Variants in LRRIQ3 observed in about 807,000 individuals in gnomAD.
LRRIQ3 encodes leucine rich repeats and IQ motif containing 3.
In LRRIQ3, 75 loss-of-function variants were observed where a neutral mutation model predicts 59.3. The ratio of observed to expected loss-of-function variants is 1.26; its 90% CI spans 1.05 to 1.53. The LOEUF is 1.53. LRRIQ3 is among the 40% of genes most tolerant of loss of function. The pLI, the probability that LRRIQ3 is intolerant of heterozygous loss-of-function variation, is 0.00. For missense variants in LRRIQ3, 831 were observed against 710.0 expected (o/e 1.17, Z -1.94); for synonymous variants, 250 against 231.3 (o/e 1.08, Z -0.73).
intron 5 of LRRIQ3, among the ~76,000 whole-genome samples, chr1:74,077,739 CA>C (rs1441187270): frequency 6.6e-6 from 1 of 151,626 alleles, no homozygotes; most frequent in East Asian, 1.9e-4. Context: ...GAAAGATGAA[CA>C]AAAAGTTTAA....
chr1:74,140,410 A>G (rs575981566), intron 4 of LRRIQ3, among the ~76,000 whole-genome samples: 1 of 151,912 alleles, frequency 6.6e-6, no homozygotes, highest in South Asian at 2.1e-4. Context: ...ATAGTTCAAA[A>G]TATGCAAAAC....
chr1:74,168,168 C>A (rs758310591), intron 3 of LRRIQ3, among the ~76,000 whole-genome samples: 4 of 151,900 alleles, frequency 2.6e-5, no homozygotes, highest in African/African-American at 7.2e-5. Flanking sequence ...AATTTCCTGT[C>A]TAGTTGATAG....
At chr1:74,176,241 T>C (rs1327897184) in intron 3 of LRRIQ3, among the ~76,000 whole-genome samples, 1 of 152,186 alleles carries the variant, frequency 6.6e-6, no homozygotes, top group East Asian at 1.9e-4. Flanking sequence ...CATAGAATTA[T>C]GATTTGATAG....
chr1:74,152,401 A>T (rs1648050176), intron 4 of LRRIQ3, among the ~76,000 whole-genome samples: 1 of 152,156 alleles, frequency 6.6e-6, no homozygotes, highest in Non-Finnish European at 1.5e-5. Flanking sequence ...ATATATCTCC[A>T]GTCTAATCAT....
intron 4 of LRRIQ3, among the ~76,000 whole-genome samples, chr1:74,133,494 A>G (rs1647062574): frequency 6.6e-6 from 1 of 152,128 alleles, no homozygotes. Context: ...TGGATTAAGA[A>G]AATGTGGCAC....
intron 5 of LRRIQ3, chr1:74,095,222 A>G (rs59971322): frequency 1.3e-5 from 2 of 152,174 alleles, no homozygotes; most frequent in African/African-American, 2.4e-5. Context: ...CTGGAGCAAC[A>G]GGATGGAAGG....
intron 5 of LRRIQ3, among the ~76,000 whole-genome samples, chr1:74,106,932 G>A (rs1349714648): frequency 6.6e-6 from 1 of 151,944 alleles, no homozygotes; most frequent in Non-Finnish European, 1.5e-5. Context: ...TCCCTAGTAA[G>A]TGTCTAGGAA....
rs186462516 is a variant in LRRIQ3 at position 74,168,882 on chromosome 1, T to C, written c.574-13016A>G. On this transcript the variant is annotated intron_variant, in intron 3 of 7. Coordinates refer to ENST00000354431, the MANE Select transcript of LRRIQ3 (RefSeq NM_001105659.2). Reference sequence around the variant, plus strand: ...TATCCATCACCTCTAAAAGTTCTTTTGGTTGTCTTGTGTCATTTTTATTTT... The same window carrying C: ...TATCCATCACCTCTAAAAGTTCTTTCGGTTGTCTTGTGTCATTTTTATTTT... Among the ~76,000 whole-genome samples, 9 of 152,274 alleles carry C rather than the reference T, an allele frequency of 5.9e-5. No individual in the cohort carries two copies. In the East Asian group the frequency reaches 1.7e-3, roughly 29 times the overall value.
At chr1:74,144,619 A>T (rs1647446292) in intron 4 of LRRIQ3, 1 of 225,104 alleles carries the variant, frequency 4.4e-6, no homozygotes, top group Non-Finnish European at 9.5e-6. Context: ...CTTCTGTAGC[A>T]GTCAGGGTTA....
intron 3 of LRRIQ3, among the ~76,000 whole-genome samples, chr1:74,157,131 C>A (rs1317970040): frequency 6.6e-6 from 1 of 152,086 alleles, no homozygotes; most frequent in Non-Finnish European, 1.5e-5. Flanking sequence ...CTATTCCCAA[C>A]ATTAGCTACT....
intron 6 of LRRIQ3, among the ~76,000 whole-genome samples, chr1:74,064,123 T>C (rs1654805421): frequency 6.6e-6 from 1 of 151,858 alleles, no homozygotes; most frequent in Non-Finnish European, 1.5e-5. Context: ...ATATAATGTA[T>C]AATGTCTATA....
In LRRIQ3 at chr1:74,141,574, C is replaced by A. The variant is rs1399438929; in HGVS notation, c.707+14159G>T. On this transcript the variant is annotated intron_variant, in intron 4 of 7. Transcript: ENST00000354431. ...ACACCAATGTAGACATTAGCTTATT[C>A]AATAATTATTTATTAAGATCTGGTA... 2.0e-5 allele frequency among the ~76,000 whole-genome samples: 3 copies of A among 151,824 alleles called. No individual in the cohort carries two copies. The East Asian group carries it at 5.8e-4, about 29-fold the overall frequency.
In LRRIQ3 at chr1:74,183,629, T is replaced by G; in HGVS notation, c.56A>C (p.Tyr19Ser). The G allele has an allele frequency of 3.1e-6, 5 of 1,611,596 alleles. No individual in the cohort carries two copies. Among genetic ancestry groups the G allele is most frequent in the East Asian group, 2.2e-5 (1 of 44,674 alleles). Reference sequence around the variant, plus strand: ...TTGACCTTCTCTTATGTTTTCATTATAGTGACTCCATTCTTCATGACTGGT... The same window carrying G: ...TTGACCTTCTCTTATGTTTTCATTAGAGTGACTCCATTCTTCATGACTGGT... ...ELTSHEEWSH[Y>S]NENIREGQKD... The change falls in exon 2 of 8, where the codon TAT becomes TCT. Residue 19 changes from tyrosine to serine, a missense_variant. By Grantham distance (144) the Tyr-to-Ser change is moderately radical. Transcript: ENST00000354431.
chr1:74,141,002 T>C (rs527734972), intron 4 of LRRIQ3, among the ~76,000 whole-genome samples: 11 of 151,876 alleles, frequency 7.2e-5, no homozygotes, highest in Admixed American at 2.0e-4. Context: ...GAATTAATTG[T>C]ATACCCACAA....
chr1:74,107,287 G>T (rs1305279275), intron 5 of LRRIQ3, among the ~76,000 whole-genome samples: 1 of 151,776 alleles, frequency 6.6e-6, no homozygotes, highest in Non-Finnish European at 1.5e-5. Flanking sequence ...CCTTTGTATT[G>T]TTTTGCTCAT....
At position 74,109,904 on chromosome 1, in the gene LRRIQ3, G is replaced by C. The variant is rs144446096; in HGVS notation, c.708-351C>G. On this transcript the variant is annotated intron_variant, in intron 4 of 7. Coordinates refer to ENST00000354431, the MANE Select transcript of LRRIQ3 (RefSeq NM_001105659.2). ...TGAAGTTATTTTTTTTCCAAACCTA[G>C]TGAAGAAGGAACTTTTTAAATGAGG... Among the ~76,000 whole-genome samples, 33 of 151,590 alleles carry C rather than the reference G, an allele frequency of 2.2e-4. No homozygotes were observed. In the East Asian group the frequency reaches 5.4e-3, roughly 25 times the overall value.
intron 5 of LRRIQ3, among the ~76,000 whole-genome samples, chr1:74,080,598 T>A (rs928529474): frequency 4.0e-5 from 6 of 151,766 alleles, no homozygotes; most frequent in African/African-American, 1.4e-4. Context: ...GTTTCCCAAC[T>A]TAGCCTAGTT....
intron 6 of LRRIQ3, among the ~76,000 whole-genome samples, chr1:74,065,924 T>C (rs1176011843): frequency 6.6e-6 from 1 of 152,068 alleles, no homozygotes; most frequent in African/African-American, 2.4e-5. Context: ...CAATGGCTCA[T>C]GCCTGTAATC....
At chr1:74,120,847 T>G (rs1646844796) in intron 4 of LRRIQ3, among the ~76,000 whole-genome samples, 1 of 152,110 alleles carries the variant, frequency 6.6e-6, no homozygotes, top group African/African-American at 2.4e-5. Flanking sequence ...ATTAATTGTA[T>G]TAATAAGTTT....
Sources: allele counts gnomAD v4.1 joint callset (sites outside exome capture counted in the v4.1 genomes callset), GRCh38; gene constraint gnomAD v4.1.1; transcripts MANE v1.5; gene names NCBI Gene and HGNC (gene_info 2026-07-23, HGNC 2026-07-21).